Variants in TIAM1 observed in about 807,000 individuals in gnomAD.
TIAM1 encodes TIAM Rac1 associated GEF 1, also known as rho guanine nucleotide exchange factor TIAM1.
Under a neutral mutation model 163.5 loss-of-function variants are expected in TIAM1, and 65 were observed. The ratio of observed to expected loss-of-function variants is 0.40; its 90% CI spans 0.33 to 0.49. The LOEUF (loss-of-function observed/expected upper bound fraction) is 0.49. Among genes scored for constraint, TIAM1 ranks in the 20% least tolerant of loss-of-function variants. The pLI is 0.77. For synonymous variants in TIAM1, 833 were observed against 810.1 expected (o/e 1.03, Z -0.48); for missense variants, 1,789 against 2,044.7 (o/e 0.87, Z 2.41).
intron 15 of TIAM1, among the ~76,000 whole-genome samples, chr21:31,176,508 A>G (rs752829438): frequency 4.6e-5 from 7 of 152,256 alleles, no homozygotes; most frequent in Non-Finnish European, 8.8e-5. Context: ...TAGGAAACTG[A>G]GTCTTACAGA....
At chr21:31,488,970 T>C (rs1365625340) in intron 1 of TIAM1, among the ~76,000 whole-genome samples, 1 of 151,332 alleles carries the variant, frequency 6.6e-6, no homozygotes, top group Non-Finnish European at 1.5e-5. Flanking sequence ...CCTTCCTGTA[T>C]TGTATTCTCT....
chr21:31,154,220 G>A, intron 17 of TIAM1, 27 bp downstream of exon 17: 1 of 1,608,484 alleles, frequency 6.2e-7, no homozygotes, highest in South Asian at 1.1e-5. Flanking sequence ...GGCAGAGGGA[G>A]GGCAGGGGGA....
intron 2 of TIAM1, among the ~76,000 whole-genome samples, chr21:31,443,335 C>T (rs2044504875): frequency 6.6e-6 from 1 of 152,184 alleles, no homozygotes; most frequent in African/African-American, 2.4e-5. Context: ...GGGGAGGCAA[C>T]ATCTTCCCAC....
At chr21:31,306,188 G>A (rs2146971408) in intron 2 of TIAM1, among the ~76,000 whole-genome samples, 1 of 152,172 alleles carries the variant, frequency 6.6e-6, no homozygotes, top group Non-Finnish European at 1.5e-5. Context: ...AGAGGCTGAA[G>A]GAGGAGGATT....
At chr21:31,325,182 G>A (rs956405059) in intron 2 of TIAM1, among the ~76,000 whole-genome samples, 1 of 151,946 alleles carries the variant, frequency 6.6e-6, no homozygotes, top group Non-Finnish European at 1.5e-5. Flanking sequence ...TACTCAGGAG[G>A]CAGAGGTAGG....
Position 31,428,514 on chromosome 21 carries a change from A to AT in TIAM1, c.-369+35468dup, listed in dbSNP as rs2043880053. ...CTTGTTGCAAAGTCAATTTAATTAA[A>AT]TATATATACACAAAATACACACAAC... On this transcript the variant is annotated intron_variant, in intron 2 of 28. Coordinates refer to the TIAM1 transcript ENST00000286827. Among the ~76,000 whole-genome samples, 3 of 152,324 alleles carry AT rather than the reference A, an allele frequency of 2.0e-5. No homozygotes were observed. In the East Asian group the frequency reaches 5.8e-4, roughly 29 times the overall value.
At chr21:31,304,687 T>A (rs2074629886) in intron 2 of TIAM1, among the ~76,000 whole-genome samples, 1 of 152,214 alleles carries the variant, frequency 6.6e-6, no homozygotes. Flanking sequence ...ATGTCTTGAA[T>A]TTTTTATTTT....
intron 2 of TIAM1, among the ~76,000 whole-genome samples, chr21:31,438,864 T>G (rs749327969): frequency 2.5e-4 from 38 of 152,216 alleles, no homozygotes; most frequent in Admixed American, 9.2e-4. Flanking sequence ...AACCCCACTA[T>G]GACAACCAAA....
intron 6 of TIAM1, among the ~76,000 whole-genome samples, chr21:31,238,295 G>A (rs538661624): frequency 1.3e-5 from 2 of 152,228 alleles, no homozygotes; most frequent in African/African-American, 4.8e-5. Context: ...ATAATAAGCA[G>A]AAGGCAGAGA....
chr21:31,510,674 C>T (rs958776971), intron 1 of TIAM1, among the ~76,000 whole-genome samples: 15 of 152,132 alleles, frequency 9.9e-5, no homozygotes, highest in African/African-American at 2.6e-4. Context: ...ATTAGCCGGG[C>T]GTGGTGACAA....
chr21:31,489,065 A>G (rs2046368540), intron 1 of TIAM1, among the ~76,000 whole-genome samples: 1 of 151,586 alleles, frequency 6.6e-6, no homozygotes, highest in Non-Finnish European at 1.5e-5. Context: ...CCAGCCAACT[A>G]AACGGTAACA....
intron 15 of TIAM1, among the ~76,000 whole-genome samples, chr21:31,177,824 G>A (rs2146419116): frequency 6.6e-6 from 1 of 152,308 alleles, no homozygotes; most frequent in African/African-American, 2.4e-5. Flanking sequence ...TTGAGTTTGT[G>A]AGACTGTGGA....
chr21:31,327,111 G>T (rs1403431277), intron 2 of TIAM1, among the ~76,000 whole-genome samples: 3 of 152,168 alleles, frequency 2.0e-5, no homozygotes, highest in African/African-American at 7.2e-5. Context: ...GAGCCAAAAA[G>T]GGAAGTGATC....
At chr21:31,322,763 A>G (rs2075358254) in intron 2 of TIAM1, among the ~76,000 whole-genome samples, 1 of 152,228 alleles carries the variant, frequency 6.6e-6, no homozygotes, top group Non-Finnish European at 1.5e-5. Context: ...ATGGCTGAAT[A>G]TTAGGTCCCA....
chr21:31,484,442 C>T (rs2046209316), intron 1 of TIAM1, among the ~76,000 whole-genome samples: 1 of 152,180 alleles, frequency 6.6e-6, no homozygotes, highest in Non-Finnish European at 1.5e-5. Flanking sequence ...CTGTGGGTGG[C>T]CTCCAAACCC....
intron 16 of TIAM1, among the ~76,000 whole-genome samples, chr21:31,162,575 A>G (rs2083979458): frequency 6.6e-6 from 1 of 152,120 alleles, no homozygotes; most frequent in African/African-American, 2.4e-5. Flanking sequence ...ATACGAACTT[A>G]TGGTTTGAAT....
At chr21:31,291,207 G>A (rs1042510532) in intron 2 of TIAM1, among the ~76,000 whole-genome samples, 2 of 152,144 alleles carry the variant, frequency 1.3e-5, no homozygotes, top group Admixed American at 1.3e-4. Context: ...GCCAGGGTAA[G>A]AAGCCAAGAA....
At chr21:31,185,575 A>G (rs1299552728) in intron 14 of TIAM1, among the ~76,000 whole-genome samples, 1 of 143,238 alleles carries the variant, frequency 7.0e-6, no homozygotes, top group Non-Finnish European at 1.5e-5. Flanking sequence ...TATATTATAT[A>G]TTAATATAAT....
chr21:31,386,544 T>C (rs993550300), intron 2 of TIAM1, among the ~76,000 whole-genome samples: 5 of 152,114 alleles, frequency 3.3e-5, no homozygotes, highest in Admixed American at 6.5e-5. Flanking sequence ...CCCTTCCAGA[T>C]GGGCCGCTAA....
Sources: allele counts gnomAD v4.1 joint callset (sites outside exome capture counted in the v4.1 genomes callset), GRCh38; gene constraint gnomAD v4.1.1; transcripts MANE v1.5; gene names NCBI Gene and HGNC (gene_info 2026-07-23, HGNC 2026-07-21).